CSRP1: variants seen among roughly 807,000 people sequenced by gnomAD.
The protein encoded by CSRP1 is cysteine and glycine-rich protein 1.
CSRP1 carries 16 observed loss-of-function variants against 25.4 expected under a neutral mutation model. That is an observed-to-expected ratio of 0.63 (90% CI 0.43 to 0.96). The LOEUF (loss-of-function observed/expected upper bound fraction) is 0.96. CSRP1 is among the 40% of genes least tolerant of loss of function. CSRP1 has a pLI of 0.00. For synonymous variants in CSRP1, 97 were observed against 95.3 expected (o/e 1.02, Z -0.10); for missense variants, 212 against 243.6 (o/e 0.87, Z 0.86).
At chr1:201,504,674 G>A (rs189813833) in intron 1 of CSRP1, among the ~76,000 whole-genome samples, 11 of 152,294 alleles carry the variant, frequency 7.2e-5, no homozygotes, top group East Asian at 1.9e-4. Context: ...GTTGCTAGGC[G>A]CAGTGGGTCA....
chr1:201,502,774 C>A (rs1664707375), intron 1 of CSRP1, among the ~76,000 whole-genome samples: 1 of 152,090 alleles, frequency 6.6e-6, no homozygotes, highest in African/African-American at 2.4e-5. Context: ...CTGACAAGGG[C>A]GGTATATGTC....
intron 4 of CSRP1, chr1:201,487,124 C>A: frequency 1.6e-6 from 1 of 617,762 alleles, no homozygotes; most frequent in Non-Finnish European, 2.5e-6. Flanking sequence ...ATTAAAACTG[C>A]CTTGTTGTTG....
At chr1:201,486,665 T>C in intron 4 of CSRP1, 3 of 1,044,812 alleles carry the variant, frequency 2.9e-6, no homozygotes, top group Non-Finnish European at 3.5e-6. Flanking sequence ...TCTCCTCATA[T>C]TTCCTAGCCA....
At chr1:201,492,053 A>G (rs1664355603) in intron 2 of CSRP1, 1 of 152,260 alleles carries the variant, frequency 6.6e-6, no homozygotes, top group South Asian at 2.1e-4. Flanking sequence ...AGCTCCCAAG[A>G]AGGAGGGAGA....
Position 201,485,332 on chromosome 1 carries a change from G to C in CSRP1, c.456C>G (p.Gly152=), listed in dbSNP as rs1209337516. ...TGTCTGCCAGGGTGGTTGACTCAAG[G>C]CCTTTGCCACACTTGGCACATCGAA... is the stretch of plus-strand genomic sequence containing the variant. ...ACFRCAKCGK[G]LESTTLADKD... The change falls in exon 5 of 6, where the codon GGC becomes GGG. Residue 152 remains glycine (G), a synonymous_variant. Coordinates refer to ENST00000340006, the MANE Select transcript of CSRP1 (RefSeq NM_004078.3). 1 of 1,614,062 alleles carries C rather than the reference G, an allele frequency of 6.2e-7. No homozygotes were observed. The highest frequency in any genetic ancestry group is 8.5e-7 in the Non-Finnish European group (1 of 1,180,022).
chr1:201,499,369 T>C (rs916780381), intron 1 of CSRP1, among the ~76,000 whole-genome samples: 3 of 152,122 alleles, frequency 2.0e-5, no homozygotes, highest in Admixed American at 6.5e-5. Flanking sequence ...AAGCCAACCA[T>C]GGAGATTCCA....
At position 201,484,140 on chromosome 1, in the gene CSRP1, A is replaced by G; in HGVS notation, c.*573T>C. On this transcript the variant is annotated 3_prime_UTR_variant, in exon 6 of 6. Transcript: ENST00000340006. ...AGACTCAAAGGCAAGAGGCCTGGAG[A>G]AGCAGGGGCTCCTAGGACCCTGCCT... The G allele has an allele frequency of 1.5e-6, 1 of 649,780 alleles. No homozygotes were observed. Among genetic ancestry groups the G allele is most frequent in the Non-Finnish European group, 2.9e-6 (1 of 348,410 alleles). 40.3% of individuals were successfully genotyped at this position (649,780 alleles called of 1,614,324 possible). A position where few individuals can be genotyped will look rare whatever the true frequency, so the allele number is the denominator to read the frequency against.
At chr1:201,497,793 C>T (rs1664555963) in intron 1 of CSRP1, among the ~76,000 whole-genome samples, 1 of 152,102 alleles carries the variant, frequency 6.6e-6, no homozygotes, top group Non-Finnish European at 1.5e-5. Flanking sequence ...GGGCAGATCA[C>T]GAGGTCGGGA....
At chr1:201,487,083 G>A in intron 4 of CSRP1, 1 of 855,086 alleles carries the variant, frequency 1.2e-6, no homozygotes, top group Non-Finnish European at 1.7e-6. Context: ...GCACTACATT[G>A]CACATTATAC....
At chr1:201,499,889 T>C (rs1200270782) in intron 1 of CSRP1, among the ~76,000 whole-genome samples, 4 of 152,172 alleles carry the variant, frequency 2.6e-5, no homozygotes, top group Non-Finnish European at 5.9e-5. Context: ...CCTAATGTGC[T>C]GGGATTATAG....
At chr1:201,502,028 T>G (rs534541551) in intron 1 of CSRP1, among the ~76,000 whole-genome samples, 23 of 139,842 alleles carry the variant, frequency 1.6e-4, no homozygotes, top group African/African-American at 5.8e-4. Flanking sequence ...AATAAATAAA[T>G]AAAGTCTGGC....
chr1:201,490,344 A>C lies in CSRP1; in HGVS notation c.113T>G (p.Met38Arg), dbSNP rs746339783. The part of the protein sequence containing the change: ...NSFHKSCFLC[M>R]VCKKNLDSTT... ...ACTGTCCAGATTCTTCTTGCAGACCACTGTGGAGGGGAAGGGGAAGCGGAC... is the reference window on the plus strand; with the variant it reads ...ACTGTCCAGATTCTTCTTGCAGACCCCTGTGGAGGGGAAGGGGAAGCGGAC... The change falls in exon 3 of 6, where the codon ATG (methionine) becomes AGG (arginine). Residue 38 changes from methionine to arginine, a missense_variant and splice_region_variant. Physicochemically the swap from Met to Arg is moderately conservative, Grantham distance 91. Coordinates refer to ENST00000340006, the MANE Select transcript of CSRP1 (RefSeq NM_004078.3). 5.0e-6 allele frequency: 8 copies of C among 1,613,414 alleles called. No individual in the cohort carries two copies. The South Asian group carries it at 8.8e-5, about 18-fold the overall frequency.
At chr1:201,487,054 T>A in intron 4 of CSRP1, 8 of 1,148,204 alleles carry the variant, frequency 7.0e-6, no homozygotes, top group Non-Finnish European at 9.4e-6. Context: ...ATAGCAAAAC[T>A]GTACTGAGGA....
At chr1:201,496,439 C>A in intron 1 of CSRP1, 135 bp from the exon 2 acceptor site, 3 of 719,124 alleles carry the variant, frequency 4.2e-6, no homozygotes, top group Non-Finnish European at 7.3e-6. Flanking sequence ...GCCACCAGGC[C>A]TGGCAGAGCA....
rs574426964 is a variant in CSRP1 at position 201,505,214 on chromosome 1, T to A, written c.-2+1856A>T. Among the ~76,000 whole-genome samples the A allele has an allele frequency of 1.2e-4, 18 of 152,294 alleles. No individual in the cohort carries two copies. In the South Asian group the frequency reaches 3.5e-3, roughly 30 times the overall value. On this transcript the variant is annotated intron_variant, in intron 1 of 5. Transcript: ENST00000340006. ...TAACTATTTGCAAGGTTTATGAGTA[T>A]CCCGTAGGCCAACTCAGCTGAAAGA...
chr1:201,490,474 G>C (rs372290251), intron 2 of CSRP1, 130 bp from the exon 3 acceptor site: 24 of 941,920 alleles, frequency 2.5e-5, no homozygotes, highest in East Asian at 1.5e-4. Context: ...TTCAGGAACT[G>C]TCTACAAATG....
At chr1:201,505,720 C>T (rs1664806952) in intron 1 of CSRP1, among the ~76,000 whole-genome samples, 1 of 152,356 alleles carries the variant, frequency 6.6e-6, no homozygotes, top group Non-Finnish European at 1.5e-5. Flanking sequence ...TGGGTAAAAG[C>T]TGCCCTCCAG....
At chr1:201,501,570 C>T (rs868728030) in intron 1 of CSRP1, among the ~76,000 whole-genome samples, 3 of 152,138 alleles carry the variant, frequency 2.0e-5, no homozygotes, top group Non-Finnish European at 4.4e-5. Flanking sequence ...AGGACTGTAC[C>T]CAGATCCCCA....
Position 201,484,555 on chromosome 1 carries a change from A to AC in CSRP1, c.*157dup. Reference sequence around the variant, plus strand: ...TTTAGTGGGGTGGGACCTCAGGCAGACCCCCAAACCAAAGGGAGCCAGATG... The same window carrying AC: ...TTTAGTGGGGTGGGACCTCAGGCAGACCCCCCAAACCAAAGGGAGCCAGATG... On this transcript the variant is annotated 3_prime_UTR_variant, in exon 6 of 6. Transcript: ENST00000340006. 1 of 699,490 alleles carries AC rather than the reference A, an allele frequency of 1.4e-6. No homozygotes were observed. The highest frequency in any genetic ancestry group is 2.4e-6 in the Non-Finnish European group (1 of 411,944). The allele number at this position is 699,490 out of a possible 1,614,324, so 43.3% of individuals were successfully genotyped here. A position where few individuals can be genotyped will look rare whatever the true frequency, so the allele number is the denominator to read the frequency against.
Sources: gnomAD v4.1 joint callset for allele counts (sites outside exome capture counted in the v4.1 genomes callset) on GRCh38, gnomAD v4.1.1 for gene constraint, MANE v1.5 for transcripts, NCBI Gene and HGNC (gene_info 2026-07-23, HGNC 2026-07-21) for gene names.